Variants in TMEM196 observed in about 807,000 individuals in gnomAD.
TMEM196 encodes transmembrane protein 196.
In TMEM196, 17 loss-of-function variants were observed where a neutral mutation model predicts 20.0. The ratio of observed to expected loss-of-function variants is 0.85; its 90% CI spans 0.58 to 1.27. The LOEUF (loss-of-function observed/expected upper bound fraction) is 1.27. Among genes scored for constraint, TMEM196 ranks in the 50% most tolerant of loss-of-function variants. The pLI is 0.00. For synonymous variants in TMEM196, 113 were observed against 88.9 expected, an observed-to-expected ratio of 1.27 and a Z score of -1.52; for missense variants, 267 against 223.0, an observed-to-expected ratio of 1.20 and a Z score of -1.26.
intron 1 of TMEM196, among the ~76,000 whole-genome samples, chr7:19,766,342 G>T (rs1231689273): frequency 6.6e-6 from 1 of 151,918 alleles, no homozygotes; most frequent in South Asian, 2.1e-4. Flanking sequence ...TGCTCAATGA[G>T]AGTCTAATTA....
chr7:19,757,143 C>T (rs1051926283), intron 1 of TMEM196, among the ~76,000 whole-genome samples: 6 of 151,570 alleles, frequency 4.0e-5, no homozygotes, highest in South Asian at 4.2e-4. Flanking sequence ...GTGTAATATC[C>T]CCAAAACTTG....
chr7:19,737,560 G>T (rs1784453149), intron 1 of TMEM196, among the ~76,000 whole-genome samples: 1 of 152,006 alleles, frequency 6.6e-6, no homozygotes, highest in South Asian at 2.1e-4. Context: ...TTCATACAAT[G>T]CAGTGCCATT....
At chr7:19,758,117 T>A (rs1785290347) in intron 1 of TMEM196, among the ~76,000 whole-genome samples, 1 of 152,174 alleles carries the variant, frequency 6.6e-6, no homozygotes, top group Non-Finnish European at 1.5e-5. Context: ...TTTTGAATGT[T>A]CACTGCTTGA....
intron 1 of TMEM196, among the ~76,000 whole-genome samples, chr7:19,767,025 A>T (rs1239716609): frequency 6.6e-6 from 1 of 152,128 alleles, no homozygotes. Context: ...TGATGCAAAT[A>T]TTATTAGTTA....
At chr7:19,764,461 T>A (rs562200238) in intron 1 of TMEM196, among the ~76,000 whole-genome samples, 1 of 152,312 alleles carries the variant, frequency 6.6e-6, no homozygotes, top group South Asian at 2.1e-4. Context: ...ATATCCTCAG[T>A]GACCCACAAA....
At chr7:19,733,148 T>A (rs1201938574) in intron 1 of TMEM196, among the ~76,000 whole-genome samples, 3 of 152,232 alleles carry the variant, frequency 2.0e-5, no homozygotes, top group Non-Finnish European at 4.4e-5. Context: ...CCAAGCGAAC[T>A]TCATTTGATT....
intron 1 of TMEM196, among the ~76,000 whole-genome samples, chr7:19,766,447 G>C (rs926685807): frequency 9.2e-5 from 14 of 151,728 alleles, no homozygotes; most frequent in Admixed American, 2.0e-4. Context: ...TAAATATTTA[G>C]ACCAATGCTG....
intron 2 of TMEM196, among the ~76,000 whole-genome samples, chr7:19,727,044 TCAAA>T (rs1436157914): frequency 2.0e-5 from 3 of 152,286 alleles, no homozygotes; most frequent in Non-Finnish European, 4.4e-5. Flanking sequence ...ATTCCCCAGG[TCAAA>T]CAGCTTTGTA....
rs564878451 is a variant in TMEM196, at chr7:19,742,185, A to G, written c.148-12747T>C. Among the ~76,000 whole-genome samples, 6 of 152,278 alleles carry G rather than the reference A, an allele frequency of 3.9e-5. No homozygotes were observed. In the South Asian group the frequency reaches 1.2e-3, roughly 32 times the overall value. On this transcript the variant is annotated intron_variant, in intron 1 of 4. Transcript: ENST00000405844. ...TTAAAATATCAGAATACATTTTTAA[A>G]TAGGGTCAATTTCTTTGTTATCTTA...
intron 1 of TMEM196, among the ~76,000 whole-genome samples, chr7:19,732,165 A>G (rs1246892615): frequency 6.6e-6 from 1 of 152,246 alleles, no homozygotes. Flanking sequence ...CGAAGTTTAC[A>G]CGTGGGGACA....
chr7:19,754,990 A>G (rs1785146607), intron 1 of TMEM196, among the ~76,000 whole-genome samples: 1 of 152,212 alleles, frequency 6.6e-6, no homozygotes, highest in South Asian at 2.1e-4. Flanking sequence ...TAAGGAGACT[A>G]ATGGTAATAT....
rs574817916 is a variant in TMEM196 at position 19,756,023 on chromosome 7, G to A, written c.147+16527C>T. Among the ~76,000 whole-genome samples, 6 of 135,654 alleles carry A rather than the reference G, an allele frequency of 4.4e-5. No individual in the cohort carries two copies. The South Asian group carries it at 1.5e-3, about 33-fold the overall frequency. The allele number at this position is 135,654 out of a possible 152,430, so 89.0% of individuals were successfully genotyped here. A position where few individuals can be genotyped will look rare whatever the true frequency, so the allele number is the denominator to read the frequency against. On this transcript the variant is annotated intron_variant, in intron 1 of 4. Transcript: ENST00000405844. ...CAGCCTCCAGCCTGGACAGCAGAGT[G>A]AGACTCTATTTAAAAAAAAAAAAAA...
At chr7:19,730,375 A>G (rs1784161711) in intron 1 of TMEM196, among the ~76,000 whole-genome samples, 1 of 152,254 alleles carries the variant, frequency 6.6e-6, no homozygotes. Context: ...CAGATTATCT[A>G]CCAAGGAGAG....
intron 1 of TMEM196, among the ~76,000 whole-genome samples, chr7:19,752,211 T>G (rs1463985738): frequency 6.6e-6 from 1 of 152,214 alleles, no homozygotes; most frequent in African/African-American, 2.4e-5. Flanking sequence ...TGTAGCCAGA[T>G]GCACAGCAGT....
Position 19,724,298 on chromosome 7 carries a change from G to C in TMEM196, c.515C>G (p.Thr172Arg), listed in dbSNP as rs1186323361. The change falls in exon 4 of 5, where the codon ACA becomes AGA. Residue 172 changes from threonine (T) to arginine (R), a missense_variant. Thr to Arg is a moderately conservative substitution (Grantham distance 71). Coordinates refer to ENST00000405844, the MANE Select transcript of TMEM196 (RefSeq NM_001363562.2). ...DLPSCPVVPP[T>R]PELPTRK ...AGCGTACCTTGTAGGTAACTCTGGT[G>C]TCGGGGGCACCACCGGGCAGCTGGG... 1.9e-6 allele frequency: 3 copies of C among 1,550,378 alleles called. No individual in the cohort carries two copies. The highest frequency in any genetic ancestry group is 2.6e-6 in the Non-Finnish European group (3 of 1,146,852).
At chr7:19,725,838 C>A in intron 2 of TMEM196, 70 bp from the exon 3 acceptor site, 1 of 1,486,404 alleles carries the variant, frequency 6.7e-7, no homozygotes, top group East Asian at 2.3e-5. Flanking sequence ...TTGCCCTGTC[C>A]GGCTGCATGT....
chr7:19,733,857 A>T (rs998908316), intron 1 of TMEM196, among the ~76,000 whole-genome samples: 14 of 152,216 alleles, frequency 9.2e-5, no homozygotes, highest in African/African-American at 3.4e-4. Flanking sequence ...CACACCTGAG[A>T]TCAGGCGCAC....
chr7:19,751,956 T>G (rs1447800844), intron 1 of TMEM196, among the ~76,000 whole-genome samples: 1 of 152,168 alleles, frequency 6.6e-6, no homozygotes, highest in Admixed American at 6.5e-5. Flanking sequence ...TAACAAGATT[T>G]CAAGGATTGT....
intron 1 of TMEM196, among the ~76,000 whole-genome samples, chr7:19,767,562 TG>T (rs1785685827): frequency 6.6e-6 from 1 of 152,044 alleles, no homozygotes; most frequent in African/African-American, 2.4e-5. Flanking sequence ...AATAAAATAA[TG>T]GTGCCTGATT....
Sources: gnomAD v4.1 joint callset for allele counts (sites outside exome capture counted in the v4.1 genomes callset) on GRCh38, gnomAD v4.1.1 for gene constraint, MANE v1.5 for transcripts, NCBI Gene and HGNC (gene_info 2026-07-23, HGNC 2026-07-21) for gene names.